MEGF11: variants seen among roughly 807,000 people sequenced by gnomAD.
MEGF11 encodes multiple epidermal growth factor-like domains protein 11.
A neutral mutation model predicts 146.6 loss-of-function variants in MEGF11; 126 were observed. The observed-to-expected ratio is 0.86, with a 90% CI of 0.74 to 1.00. MEGF11 has a LOEUF of 1.00. MEGF11 is among the 50% of genes least tolerant of loss of function. The pLI is 0.00. For missense variants in MEGF11, 1,509 were observed against 1,521.2 expected, an observed-to-expected ratio of 0.99 and a Z score of 0.13; for synonymous variants, 532 against 583.4, an observed-to-expected ratio of 0.91 and a Z score of 1.27.
intron 1 of MEGF11, among the ~76,000 whole-genome samples, chr15:66,194,229 G>C (rs1006842125): frequency 1.1e-4 from 16 of 152,184 alleles, no homozygotes; most frequent in African/African-American, 3.9e-4. Flanking sequence ...TTTATTCTAA[G>C]GGAAGCAACT....
intron 1 of MEGF11, among the ~76,000 whole-genome samples, chr15:66,132,433 C>T (rs921624667): frequency 5.3e-5 from 8 of 152,208 alleles, no homozygotes; most frequent in Non-Finnish European, 1.2e-4. Flanking sequence ...AAATCTTGGA[C>T]GCTGGAGCCT....
At chr15:66,126,906 C>T (rs1288663445) in intron 2 of MEGF11, among the ~76,000 whole-genome samples, 3 of 152,200 alleles carry the variant, frequency 2.0e-5, no homozygotes, top group African/African-American at 2.4e-5. Flanking sequence ...TCAGCATCTC[C>T]GGGATAGGCC....
intron 5 of MEGF11, among the ~76,000 whole-genome samples, chr15:66,059,923 C>T (rs1351439859): frequency 6.6e-6 from 1 of 152,126 alleles, no homozygotes; most frequent in African/African-American, 2.4e-5. Context: ...ACCTCCTTGG[C>T]CAGGGTTCCT....
chr15:66,008,408 C>T (rs113632775), intron 5 of MEGF11, among the ~76,000 whole-genome samples: 330 of 3,760 alleles, frequency 0.088, 3 homozygotes, highest in South Asian at 0.28. Context: ...CACACGCGCG[C>T]GCGCACACAC....
chr15:65,992,450 T>G (rs377717698), intron 5 of MEGF11, among the ~76,000 whole-genome samples: 5,099 of 125,852 alleles, frequency 0.041, 149 homozygotes, highest in Middle Eastern at 0.093. Context: ...TGTGTGTGTG[T>G]GGGGGGGGGG....
intron 5 of MEGF11, among the ~76,000 whole-genome samples, chr15:66,070,907 T>C (rs1418911261): frequency 6.6e-6 from 1 of 152,080 alleles, no homozygotes; most frequent in East Asian, 1.9e-4. Context: ...CCAAAGTTTA[T>C]AGGAACATAT....
At chr15:65,956,764 T>C (rs2113689) in intron 10 of MEGF11, among the ~76,000 whole-genome samples, 14,797 of 152,204 alleles carry the variant, frequency 0.097, 916 homozygotes, top group Middle Eastern at 0.18. Context: ...TAAACAAACA[T>C]AGGGAAGATG....
At chr15:65,966,398 G>A (rs964340643) in intron 8 of MEGF11, among the ~76,000 whole-genome samples, 3 of 152,206 alleles carry the variant, frequency 2.0e-5, no homozygotes, top group Non-Finnish European at 2.9e-5. Context: ...AAACAGTGAT[G>A]CATCTTACGA....
chr15:66,150,615 TGGAAGGAAGGAA>T lies in MEGF11; in HGVS notation c.-8-22216_-8-22205del, dbSNP rs139546795. ...TAGGCATGTTAGAAAGACTTATTAGTGGAAGGAAGGAAGGAAGGAAGGAAGGAAGGAAGAAAG... is the reference window on the plus strand; with the variant it reads ...TAGGCATGTTAGAAAGACTTATTAGTGGAAGGAAGGAAGGAAGGAAGAAAG... On this transcript the variant is annotated intron_variant, in intron 1 of 25. Transcript: ENST00000395614. Among the ~76,000 whole-genome samples, 481 of 146,540 alleles carry T rather than the reference TGGAAGGAAGGAA, an allele frequency of 3.3e-3. 2 individuals are homozygous for T. Among genetic ancestry groups the T allele is most frequent in the Non-Finnish European group, 5.7e-3 (381 of 66,602 alleles).
intron 9 of MEGF11, among the ~76,000 whole-genome samples, 185 bp from the exon 10 acceptor site, chr15:65,957,906 A>AG (rs2080716944): frequency 6.6e-6 from 1 of 152,212 alleles, no homozygotes; most frequent in South Asian, 2.1e-4. Flanking sequence ...ATTAGCACCC[A>AG]GAAGCTGAGG....
At chr15:65,906,019 T>C (rs1180745458) in intron 24 of MEGF11, 66 bp downstream of exon 24, 6 of 1,374,420 alleles carry the variant, frequency 4.4e-6, no homozygotes, top group Admixed American at 2.0e-5. Context: ...TTCCTGGCCA[T>C]TTCAGATCTG....
chr15:65,928,133 C>G (rs1481077209), intron 13 of MEGF11, among the ~76,000 whole-genome samples: 1 of 152,168 alleles, frequency 6.6e-6, no homozygotes, highest in Non-Finnish European at 1.5e-5. Context: ...AGGCCCTTGT[C>G]CCCTTCTCCA....
intron 16 of MEGF11, 51 bp from the exon 17 acceptor site, chr15:65,917,007 A>G: frequency 1.4e-6 from 2 of 1,437,892 alleles, no homozygotes; most frequent in Non-Finnish European, 1.8e-6. Flanking sequence ...AGAGGGGCAG[A>G]CGGAGAGGGA....
At position 66,107,465 on chromosome 15, in the gene MEGF11, G is replaced by A. The variant is rs145673032; in HGVS notation, c.301+11621C>T. Reference sequence around the variant, plus strand: ...GCATGAGGAGCTCCGTCCCTCCCACGTCCCTCCAGTCACTGCTGCCCTACG... The same window carrying A: ...GCATGAGGAGCTCCGTCCCTCCCACATCCCTCCAGTCACTGCTGCCCTACG... On this transcript the variant is annotated intron_variant, in intron 4 of 25. Transcript: ENST00000395614. 1.7e-3 allele frequency among the ~76,000 whole-genome samples: 255 copies of A among 152,306 alleles called. 2 individuals carry two copies. The highest frequency in any genetic ancestry group is 5.5e-3 in the African/African-American group (227 of 41,572).
At chr15:65,968,350 G>T (rs115333413) in intron 8 of MEGF11, among the ~76,000 whole-genome samples, 159 of 152,274 alleles carry the variant, frequency 1.0e-3, no homozygotes, top group African/African-American at 3.7e-3. Context: ...CAAATGTCGG[G>T]TGAAAAACTC....
At chr15:66,217,572 T>C (rs548885185) in intron 1 of MEGF11, among the ~76,000 whole-genome samples, 1 of 152,340 alleles carries the variant, frequency 6.6e-6, no homozygotes, top group South Asian at 2.1e-4. Flanking sequence ...TGTGTTCACA[T>C]CTTCCAGGGC....
chr15:66,122,838 G>C (rs2088106216), intron 3 of MEGF11, among the ~76,000 whole-genome samples: 1 of 152,108 alleles, frequency 6.6e-6, no homozygotes, highest in Non-Finnish European at 1.5e-5. Context: ...GAGTGCAGTG[G>C]CATGATCTCG....
chr15:66,039,467 G>T (rs535337587), intron 5 of MEGF11, among the ~76,000 whole-genome samples: 1 of 152,338 alleles, frequency 6.6e-6, no homozygotes, highest in South Asian at 2.1e-4. Flanking sequence ...GCTGAGCACT[G>T]AGTTAGACCT....
At chr15:66,189,432 C>T (rs886863190) in intron 1 of MEGF11, among the ~76,000 whole-genome samples, 5 of 152,130 alleles carry the variant, frequency 3.3e-5, no homozygotes, top group Non-Finnish European at 7.4e-5. Context: ...GCCGGAGGGG[C>T]CTGCGTTGTT....
Sources: gnomAD v4.1 joint callset for allele counts (sites outside exome capture counted in the v4.1 genomes callset) on GRCh38, gnomAD v4.1.1 for gene constraint, MANE v1.5 for transcripts, NCBI Gene and HGNC (gene_info 2026-07-23, HGNC 2026-07-21) for gene names.